The following MDGA2 variants were observed in gnomAD, a reference collection of about 807,000 sequenced individuals.
MDGA2 encodes the protein MAM domain-containing glycosylphosphatidylinositol anchor protein 2.
MDGA2 carries 40 observed loss-of-function variants against 117.8 expected under a neutral mutation model. The observed-to-expected ratio is 0.34, with a 90% CI of 0.26 to 0.44. The LOEUF (loss-of-function observed/expected upper bound fraction) is 0.44, where lower values mean the gene tolerates loss of function less well. MDGA2 is among the 20% of genes least tolerant of loss of function. MDGA2 has a pLI of 1.00. For missense variants in MDGA2, 1,123 were observed against 1,250.6 expected (o/e 0.90, Z 1.54); for synonymous variants, 452 against 439.0 (o/e 1.03, Z -0.37).
rs979129015 is a variant in MDGA2 at position 46,884,868 on chromosome 14, A to G, written c.2239-2647T>C. On this transcript the variant is annotated intron_variant, in intron 10 of 16. Transcript: ENST00000399232. This position sits in a 1 kb window ranked among gnomAD's most constrained non-coding sequence, Gnocchi z 4.1. ...TACTTTCTTTTTTGTTTTTTTTCTG[A>G]GACAGTCTCGCTCTGTCACCTAGGC... Among the ~76,000 whole-genome samples the G allele has an allele frequency of 5.3e-5, 8 of 150,906 alleles. No homozygotes were observed. The highest frequency in any genetic ancestry group is 4.6e-4 in the Admixed American group (7 of 15,168).
At chr14:47,029,820 GTTTTGT>G (rs933813506) in intron 8 of MDGA2, among the ~76,000 whole-genome samples, 9 of 151,852 alleles carry the variant, frequency 5.9e-5, no homozygotes, top group Non-Finnish European at 1.3e-4. Context: ...CCTGTATCCT[GTTTTGT>G]TTTTGTTTTT....
intron 14 of MDGA2, among the ~76,000 whole-genome samples, chr14:46,864,635 A>G (rs1240041697): frequency 7.1e-6 from 1 of 140,934 alleles, no homozygotes; most frequent in East Asian, 2.2e-4. Context: ...AGTTTACTGA[A>G]TGAATGTCTT....
At chr14:47,428,586 T>C (rs1892736665) in intron 1 of MDGA2, among the ~76,000 whole-genome samples, 2 of 152,140 alleles carry the variant, frequency 1.3e-5, no homozygotes, top group Non-Finnish European at 2.9e-5. Flanking sequence ...CATATATGTT[T>C]TGTATTCTAC....
At chr14:46,946,657 T>C (rs1885180686) in intron 9 of MDGA2, among the ~76,000 whole-genome samples, 1 of 152,128 alleles carries the variant, frequency 6.6e-6, no homozygotes, top group East Asian at 1.9e-4. Flanking sequence ...TTTGACAATA[T>C]TCTGAAGACA....
intron 9 of MDGA2, among the ~76,000 whole-genome samples, chr14:46,925,241 A>G (rs904281183): frequency 1.3e-5 from 2 of 152,212 alleles, no homozygotes; most frequent in African/African-American, 4.8e-5. Flanking sequence ...AAATTCACAA[A>G]CATTTTGAAT....
At chr14:47,605,109 T>G (rs574957612) in intron 1 of MDGA2, among the ~76,000 whole-genome samples, 1 of 152,122 alleles carries the variant, frequency 6.6e-6, no homozygotes. Flanking sequence ...TAGTTTAAAA[T>G]GCCCTGTGCT....
chr14:47,160,378 C>A (rs1883582144), intron 3 of MDGA2, among the ~76,000 whole-genome samples: 1 of 152,036 alleles, frequency 6.6e-6, no homozygotes, highest in Non-Finnish European at 1.5e-5. Flanking sequence ...AGATTATTTT[C>A]TTTTACAAAC....
chr14:47,597,051 A>C (rs1896556665), intron 1 of MDGA2, among the ~76,000 whole-genome samples: 1 of 152,138 alleles, frequency 6.6e-6, no homozygotes, highest in Non-Finnish European at 1.5e-5. Flanking sequence ...TACATTCAAA[A>C]TCCCATCAAA....
chr14:46,931,231 A>C (rs1469028086), intron 9 of MDGA2, among the ~76,000 whole-genome samples: 1 of 151,690 alleles, frequency 6.6e-6, no homozygotes, highest in Admixed American at 6.6e-5. Context: ...AAAAAAAAAA[A>C]AAAAACTCAA....
At chr14:47,328,656 T>A (rs1040228322) in intron 1 of MDGA2, among the ~76,000 whole-genome samples, 40 of 152,146 alleles carry the variant, frequency 2.6e-4, no homozygotes, top group Non-Finnish European at 2.9e-4. Context: ...TGAATTTTTT[T>A]AAATTTATTT....
chr14:47,301,615 C>T, intron 1 of MDGA2, 65 bp from the exon 2 acceptor site: 1 of 1,514,866 alleles, frequency 6.6e-7, no homozygotes, highest in Non-Finnish European at 9.0e-7. Flanking sequence ...TTCTCATGAA[C>T]CATCTTGACT....
intron 3 of MDGA2, among the ~76,000 whole-genome samples, chr14:47,205,736 G>A (rs1222882075): frequency 6.6e-6 from 1 of 151,988 alleles, no homozygotes; most frequent in Non-Finnish European, 1.5e-5. Context: ...AAGTCTGAGA[G>A]CTAACACAAG....
chr14:47,498,648 A>G (rs1171438208), intron 1 of MDGA2, among the ~76,000 whole-genome samples: 4 of 152,194 alleles, frequency 2.6e-5, no homozygotes, highest in Admixed American at 2.0e-4. Context: ...GAAAAAAATA[A>G]TGGCATTACT....
chr14:46,998,052 G>C (rs933754864), intron 8 of MDGA2, among the ~76,000 whole-genome samples: 6 of 152,000 alleles, frequency 3.9e-5, no homozygotes, highest in African/African-American at 1.4e-4. Context: ...CAGACATTTA[G>C]ACAAAGAAAT....
chr14:47,202,542 G>A (rs533121917), intron 3 of MDGA2, among the ~76,000 whole-genome samples: 2 of 151,424 alleles, frequency 1.3e-5, no homozygotes, highest in East Asian at 1.9e-4. Flanking sequence ...GCCATTTGTC[G>A]ATAGGAATTA....
At chr14:47,174,178 G>A (rs1322570480) in intron 3 of MDGA2, among the ~76,000 whole-genome samples, 1 of 152,092 alleles carries the variant, frequency 6.6e-6, no homozygotes, top group Non-Finnish European at 1.5e-5. Flanking sequence ...AAGAGACTTA[G>A]ACTCCCACAC....
At chr14:47,154,526 C>T (rs1012804444) in intron 3 of MDGA2, among the ~76,000 whole-genome samples, 1 of 152,202 alleles carries the variant, frequency 6.6e-6, no homozygotes, top group African/African-American at 2.4e-5. Flanking sequence ...CCTGCCCCTG[C>T]ATGCTTGGAA....
rs560037302 is a variant in MDGA2 at position 47,348,004 on chromosome 14, G to A, written c.281-46454C>T. ...AGTGAAGTTTTAGGTGGAGAAGGCC[G>A]ACTGAATTCAGAGATGAGAAAATAA... On this transcript the variant is annotated intron_variant, in intron 1 of 16. Transcript: ENST00000399232. 2.8e-4 allele frequency among the ~76,000 whole-genome samples: 42 copies of A among 152,186 alleles called. No homozygotes were observed. In the South Asian group the frequency reaches 6.2e-3, roughly 23 times the overall value.
At chr14:47,558,905 GC>G (rs1269368988) in intron 1 of MDGA2, among the ~76,000 whole-genome samples, 1 of 151,954 alleles carries the variant, frequency 6.6e-6, no homozygotes, top group African/African-American at 2.4e-5. Flanking sequence ...AAAATAGGCA[GC>G]TATAATCTGT....
Sources: allele counts gnomAD v4.1 joint callset (sites outside exome capture counted in the v4.1 genomes callset), GRCh38; gene constraint gnomAD v4.1.1; non-coding constraint Gnocchi (gnomAD v3.1); transcripts MANE v1.5; gene names NCBI Gene and HGNC (gene_info 2026-07-23, HGNC 2026-07-21).